Variants in AP5Z1 observed in about 807,000 individuals in gnomAD.
The protein encoded by AP5Z1 is AP-5 complex subunit zeta-1.
A neutral mutation model predicts 83.0 loss-of-function variants in AP5Z1; 106 were observed. That is an observed-to-expected ratio of 1.28 (90% CI 1.09 to 1.50). AP5Z1 has a LOEUF of 1.50. AP5Z1 is among the 40% of genes most tolerant of loss of function. The probability of loss-of-function intolerance (pLI) is 0.00; values close to 1 mark genes in which losing one functional copy is unlikely to be tolerated. For synonymous variants in AP5Z1, 751 were observed against 514.1 expected, an observed-to-expected ratio of 1.46 and a Z score of -6.23; for missense variants, 1,565 against 1,094.2, an observed-to-expected ratio of 1.43 and a Z score of -6.07.
At chr7:4,788,637 C>T in intron 12 of AP5Z1, 2 of 539,728 alleles carry the variant, frequency 3.7e-6, no homozygotes, top group East Asian at 6.3e-5. Flanking sequence ...CCCACGCCAG[C>T]CTTTGTCCCG....
At chr7:4,790,213 G>A (rs1781713189) in intron 14 of AP5Z1, 2 of 1,550,168 alleles carry the variant, frequency 1.3e-6, no homozygotes, top group Non-Finnish European at 1.7e-6. Context: ...TCTCTCCAAA[G>A]GCCTGATGCA....
In AP5Z1 at chr7:4,780,938, C is replaced by T. The variant is rs1255854943; in HGVS notation, c.42-237C>T. 3.3e-5 allele frequency among the ~76,000 whole-genome samples: 5 copies of T among 152,140 alleles called. No homozygotes were observed. In the East Asian group the frequency reaches 5.8e-4, roughly 18 times the overall value. ...AGAAAATCTAAGTGCATGGGGCCTC[C>T]GTGAGTGAGATTCGTCATAGTGCGC... On this transcript the variant is annotated intron_variant, in intron 1 of 16. Coordinates refer to ENST00000649063, the MANE Select transcript of AP5Z1 (RefSeq NM_014855.3).
chr7:4,792,672 C>G lies in AP5Z1; in HGVS notation c.*1287C>G, dbSNP rs1781822525. ...TGTCCCCCGCGGCCTGCGATGACAGCCCAGGGCCGCTGAGCCGGGGCCGCA... is the reference window on the plus strand; with the variant it reads ...TGTCCCCCGCGGCCTGCGATGACAGGCCAGGGCCGCTGAGCCGGGGCCGCA... On this transcript the variant is annotated 3_prime_UTR_variant, in exon 17 of 17. Coordinates refer to ENST00000649063, the MANE Select transcript of AP5Z1 (RefSeq NM_014855.3). 1.3e-5 allele frequency: 2 copies of G among 152,346 alleles called. 1 individual carries two copies. The highest frequency in any genetic ancestry group is 3.9e-4 in the East Asian group (2 of 5,164). The allele number at this position is 152,346 out of a possible 1,614,324, so 9.4% of individuals were successfully genotyped here.
At position 4,791,537 on chromosome 7, in the gene AP5Z1, G is replaced by T. The variant is rs886062355; in HGVS notation, c.*152G>T. The T allele has an allele frequency of 1.7e-6, 2 of 1,177,548 alleles. No individual in the cohort carries two copies. Among genetic ancestry groups the T allele is most frequent in the East Asian group, 2.6e-5 (1 of 38,704 alleles). The allele number at this position is 1,177,548 out of a possible 1,614,324, so 72.9% of individuals were successfully genotyped here. A position where few individuals can be genotyped will look rare whatever the true frequency, so the allele number is the denominator to read the frequency against. On this transcript the variant is annotated 3_prime_UTR_variant, in exon 17 of 17. Transcript: ENST00000649063. ...GCTTGGCACCCTCACAGACACGCGG[G>T]GCTGGCCCCCCTGCTCACCCTCTGG...
rs1424013073 is a variant in AP5Z1 at position 4,788,834 on chromosome 7, C to T, written c.1596-6C>T. Reference sequence around the variant, plus strand: ...GGCAGCACTCACGGCCACACTGTGTCCTCAGGTTGGCGCCACTCCACCAGC... The same window carrying T: ...GGCAGCACTCACGGCCACACTGTGTTCTCAGGTTGGCGCCACTCCACCAGC... On this transcript the variant is annotated splice_polypyrimidine_tract_variant and splice_region_variant and intron_variant, in intron 12 of 16. Coordinates refer to ENST00000649063, the MANE Select transcript of AP5Z1 (RefSeq NM_014855.3). 8 of 1,600,198 alleles carry T rather than the reference C, an allele frequency of 5.0e-6. No individual in the cohort carries two copies. The highest frequency in any genetic ancestry group is 3.4e-5 in the South Asian group (3 of 89,410).
intron 1 of AP5Z1, among the ~76,000 whole-genome samples, chr7:4,777,990 A>G (rs1485720642): frequency 6.6e-6 from 1 of 152,222 alleles, no homozygotes; most frequent in East Asian, 1.9e-4. Context: ...AGGCCGAGTT[A>G]GGAGGATCGC....
At chr7:4,776,586 T>G (rs1310384073) in intron 1 of AP5Z1, among the ~76,000 whole-genome samples, 1 of 128,940 alleles carries the variant, frequency 7.8e-6, no homozygotes, top group African/African-American at 3.2e-5. Flanking sequence ...AAAAAAAAAA[T>G]TAGCCGGGCG....
intron 14 of AP5Z1, 197 bp downstream of exon 14, chr7:4,790,126 C>CCA: frequency 7.0e-7 from 1 of 1,429,400 alleles, no homozygotes; most frequent in South Asian, 1.4e-5. Flanking sequence ...AGAACATTCC[C>CCA]GTCCTTCTTT....
At chr7:4,782,779 C>T (rs1297242270) in intron 3 of AP5Z1, among the ~76,000 whole-genome samples, 2 of 152,142 alleles carry the variant, frequency 1.3e-5, no homozygotes, top group Non-Finnish European at 2.9e-5. Flanking sequence ...TCTCCTCAAG[C>T]AACTCATTTT....
At position 4,784,211 on chromosome 7, in the gene AP5Z1, C is replaced by T. The variant is rs747413625; in HGVS notation, c.630C>T (p.Pro210=). 40 of 1,583,248 alleles carry T rather than the reference C, an allele frequency of 2.5e-5. No homozygotes were observed. The highest frequency in any genetic ancestry group is 3.3e-4 in the Middle Eastern group (2 of 6,030). Residue 210 remains proline (P), a synonymous_variant, in exon 6 of 17, where the codon CCC becomes CCT. Transcript: ENST00000649063. ...GCCTGTCCTTCCCACAGCCGGGCCC[C>T]GTCACCGAGGTGGACGGGGCGGTAG... The part of the protein sequence containing the change: ...FSTPRARQPG[P]VTEVDGAVAT...
intron 1 of AP5Z1, among the ~76,000 whole-genome samples, chr7:4,776,736 AAAG>A (rs1328300991): frequency 1.3e-5 from 2 of 152,058 alleles, no homozygotes; most frequent in African/African-American, 4.8e-5. Flanking sequence ...CTCCGTCTCA[AAAG>A]AAAAAAGAAA....
At chr7:4,790,416 A>T (rs1395083735) in intron 14 of AP5Z1, 43 bp from the exon 15 acceptor site, 1 of 1,612,248 alleles carries the variant, frequency 6.2e-7, no homozygotes, top group Non-Finnish European at 8.5e-7. Context: ...GGATGGGGTC[A>T]TAGGTCTGCA....
At position 4,790,379 on chromosome 7, in the gene AP5Z1, G is replaced by C. The variant is rs572285835; in HGVS notation, c.1806-80G>C. 8,000 of 1,603,320 alleles carry C rather than the reference G, an allele frequency of 5.0e-3. 39 individuals carry two copies. Among genetic ancestry groups the C allele is most frequent in the Non-Finnish European group, 5.8e-3 (6,773 of 1,175,270 alleles). Reference sequence around the variant, plus strand: ...CACCTACCACTCAGACGCTTCCCGGGTTTCTCCAGGCCCTTGGCCTGGATG... The same window carrying C: ...CACCTACCACTCAGACGCTTCCCGGCTTTCTCCAGGCCCTTGGCCTGGATG... On this transcript the variant is annotated intron_variant, in intron 14 of 16. Transcript: ENST00000649063.
At chr7:4,787,477 C>A (rs529804449) in intron 10 of AP5Z1, 157 bp from the exon 11 acceptor site, 16 of 1,138,402 alleles carry the variant, frequency 1.4e-5, no homozygotes, top group African/African-American at 9.4e-5. Context: ...CAGAGCAAGA[C>A]CCTGTCTCAA....
In AP5Z1 at chr7:4,792,116, T is replaced by A. The variant is rs1360768854; in HGVS notation, c.*731T>A. ...CCTGAGTGGAGCTCAGAACACTGGA[T>A]TCGCGCGAAGGGGAGGTGTCTGGGC... On this transcript the variant is annotated 3_prime_UTR_variant, in exon 17 of 17. Coordinates refer to ENST00000649063, the MANE Select transcript of AP5Z1 (RefSeq NM_014855.3). 6.6e-6 allele frequency: 1 copy of A among 152,232 alleles called. No individual in the cohort carries two copies. The highest frequency in any genetic ancestry group is 1.5e-5 in the Non-Finnish European group (1 of 68,082). 9.4% of individuals were successfully genotyped at this position (152,232 alleles called of 1,614,324 possible). A position where few individuals can be genotyped will look rare whatever the true frequency, so the allele number is the denominator to read the frequency against.
intron 3 of AP5Z1, 32 bp from the exon 4 acceptor site, chr7:4,783,284 G>C (rs1781433526): frequency 1.3e-6 from 2 of 1,566,604 alleles, no homozygotes; most frequent in African/African-American, 2.7e-5. Context: ...GCACAGGCCA[G>C]TACCCCAGCG....
In AP5Z1 at chr7:4,786,278, C is replaced by T. The variant is rs373628724; in HGVS notation, c.1161C>T (p.Ala387=). 90 of 1,611,538 alleles carry T rather than the reference C, an allele frequency of 5.6e-5. No individual in the cohort carries two copies. The highest frequency in any genetic ancestry group is 1.6e-4 in the Middle Eastern group (1 of 6,068). Residue 387 remains alanine, a synonymous_variant, in exon 10 of 17, where the codon GCC becomes GCT. Coordinates refer to ENST00000649063, the MANE Select transcript of AP5Z1 (RefSeq NM_014855.3). Reference sequence around the variant, plus strand: ...AAGCGGCTGCAGTGGACTCGGAAGCCGTCTACCAGCACCTGTTCACCAGGA... The same window carrying T: ...AAGCGGCTGCAGTGGACTCGGAAGCTGTCTACCAGCACCTGTTCACCAGGA... ...HGEAAAVDSE[A]VYQHLFTRIP...
chr7:4,778,842 ATATAT>A (rs1781292743), intron 1 of AP5Z1, among the ~76,000 whole-genome samples: 1 of 144,690 alleles, frequency 6.9e-6, no homozygotes, highest in Non-Finnish European at 1.5e-5. Context: ...ATTATATATA[ATATAT>A]AATGATATAT....
At chr7:4,786,190 C>A in intron 9 of AP5Z1, 60 bp from the exon 10 acceptor site, 1 of 1,498,554 alleles carries the variant, frequency 6.7e-7, no homozygotes, top group South Asian at 1.3e-5. Flanking sequence ...CCTAACCAGT[C>A]ACAGAAGCAC....
Sources: gnomAD v4.1 joint callset for allele counts (sites outside exome capture counted in the v4.1 genomes callset) on GRCh38, gnomAD v4.1.1 for gene constraint, MANE v1.5 for transcripts, NCBI Gene and HGNC (gene_info 2026-07-23, HGNC 2026-07-21) for gene names.